DOCK2: variants seen among roughly 807,000 people sequenced by gnomAD.
DOCK2 encodes dedicator of cytokinesis protein 2.
In DOCK2, 87 loss-of-function variants were observed where a neutral mutation model predicts 248.9. That is an observed-to-expected ratio of 0.35 (90% confidence interval 0.29 to 0.42). DOCK2 has a LOEUF of 0.42. DOCK2 is among the 10% of genes least tolerant of loss of function. DOCK2 has a pLI of 1.00. For synonymous variants in DOCK2, 805 were observed against 821.6 expected (o/e 0.98, Z 0.35); for missense variants, 1,747 against 2,300.2 (o/e 0.76, Z 4.92).
chr5:169,868,576 T>C (rs533287760), intron 27 of DOCK2, among the ~76,000 whole-genome samples: 1 of 152,192 alleles, frequency 6.6e-6, no homozygotes, highest in African/African-American at 2.4e-5. Flanking sequence ...CTGGGCAACA[T>C]AGCGAGACAC....
intron 25 of DOCK2, among the ~76,000 whole-genome samples, chr5:169,771,999 C>T (rs1765113483): frequency 6.6e-6 from 1 of 152,128 alleles, no homozygotes; most frequent in African/African-American, 2.4e-5. Flanking sequence ...ATCTGCTGGA[C>T]AGTTTCTCCT....
intron 14 of DOCK2, chr5:169,702,640 A>G (rs1358115105): frequency 2.1e-6 from 1 of 466,150 alleles, no homozygotes; most frequent in South Asian, 3.6e-5. Context: ...CAGTTTTTCA[A>G]TGTCTGTTCC....
At chr5:169,872,719 C>T (rs1772062343) in intron 27 of DOCK2, among the ~76,000 whole-genome samples, 1 of 152,150 alleles carries the variant, frequency 6.6e-6, no homozygotes, top group African/African-American at 2.4e-5. Flanking sequence ...CACACTTATT[C>T]ACTGACGATG....
At chr5:169,716,063 C>G (rs1761894576) in intron 19 of DOCK2, 150 bp from the exon 20 acceptor site, 2 of 645,740 alleles carry the variant, frequency 3.1e-6, no homozygotes, top group Non-Finnish European at 5.2e-6. Context: ...ACTTCTGGCT[C>G]TCGTGAGTAA....
At chr5:169,947,202 C>T (rs1026841633) in intron 27 of DOCK2, among the ~76,000 whole-genome samples, 13 of 152,340 alleles carry the variant, frequency 8.5e-5, no homozygotes, top group East Asian at 1.9e-4. Flanking sequence ...CTCAAGCAGT[C>T]TGATAGGGGA....
intron 26 of DOCK2, among the ~76,000 whole-genome samples, chr5:169,816,986 G>A (rs1021240455): frequency 6.6e-6 from 1 of 152,172 alleles, no homozygotes; most frequent in Non-Finnish European, 1.5e-5. Flanking sequence ...TTGGCTTGCA[G>A]AATTATTTCC....
At chr5:169,686,527 G>A (rs1165934672) in intron 8 of DOCK2, among the ~76,000 whole-genome samples, 3 of 152,188 alleles carry the variant, frequency 2.0e-5, no homozygotes, top group Non-Finnish European at 4.4e-5. Flanking sequence ...TGTGAAAAGA[G>A]GAGAAAGCAA....
At chr5:169,820,494 G>A (rs261594) in intron 26 of DOCK2, among the ~76,000 whole-genome samples, 71,049 of 151,960 alleles carry the variant, frequency 0.47, 17,404 homozygotes, top group African/African-American at 0.62. Flanking sequence ...TCTGCTGCTG[G>A]TACCCAGGCA....
intron 27 of DOCK2, among the ~76,000 whole-genome samples, chr5:169,904,932 C>G (rs928937555): frequency 9.2e-5 from 14 of 152,092 alleles, no homozygotes; most frequent in African/African-American, 3.4e-4. Flanking sequence ...CCGAGAGACC[C>G]GGGTTTGAAT....
At chr5:169,882,429 G>C in intron 27 of DOCK2, 1 of 779,958 alleles carries the variant, frequency 1.3e-6, no homozygotes, top group Non-Finnish European at 2.0e-6. Context: ...ATGATTTGGA[G>C]AAACAACAGT....
intron 44 of DOCK2, among the ~76,000 whole-genome samples, chr5:170,058,803 T>C (rs536045981): frequency 1.2e-4 from 18 of 152,306 alleles, no homozygotes; most frequent in African/African-American, 3.9e-4. Context: ...GACGATAGCA[T>C]TGAGACCGTT....
intron 26 of DOCK2, among the ~76,000 whole-genome samples, chr5:169,829,538 T>C (rs1219286757): frequency 2.0e-5 from 3 of 152,246 alleles, no homozygotes; most frequent in Admixed American, 6.5e-5. Context: ...CATTTGTTCA[T>C]GTAGTTCAAT....
intron 27 of DOCK2, among the ~76,000 whole-genome samples, chr5:169,962,789 G>T (rs547935366): frequency 6.6e-6 from 1 of 152,320 alleles, no homozygotes; most frequent in South Asian, 2.1e-4. Context: ...TTTCTGCTGA[G>T]ATGGCAAGTG....
At chr5:169,994,557 G>A (rs1468961034) in intron 29 of DOCK2, among the ~76,000 whole-genome samples, 2 of 152,146 alleles carry the variant, frequency 1.3e-5, no homozygotes, top group Admixed American at 1.3e-4. Context: ...ACTTAAGGCT[G>A]GTGGGATGGT....
At chr5:169,931,220 A>G (rs1167194394) in intron 27 of DOCK2, among the ~76,000 whole-genome samples, 2 of 152,218 alleles carry the variant, frequency 1.3e-5, no homozygotes, top group Non-Finnish European at 2.9e-5. Context: ...CATCTTACAA[A>G]TACATGTGCA....
chr5:169,930,953 C>T (rs2113681543), intron 27 of DOCK2, among the ~76,000 whole-genome samples: 1 of 152,322 alleles, frequency 6.6e-6, no homozygotes, highest in African/African-American at 2.4e-5. Context: ...TGGGCCAGTC[C>T]CTTTTACAAG....
chr5:169,893,275 C>T (rs1581371450), intron 27 of DOCK2, among the ~76,000 whole-genome samples: 1 of 152,192 alleles, frequency 6.6e-6, no homozygotes, highest in East Asian at 1.9e-4. Flanking sequence ...TGAAAGGTCA[C>T]CTCCAGCTTG....
intron 32 of DOCK2, among the ~76,000 whole-genome samples, chr5:170,014,392 T>G (rs1394278674): frequency 1.3e-5 from 2 of 152,148 alleles, no homozygotes; most frequent in Non-Finnish European, 2.9e-5. Context: ...AAGAATAAAG[T>G]TAATTTTAAC....
At chr5:169,982,575 C>T (rs1255544084) in intron 27 of DOCK2, among the ~76,000 whole-genome samples, 1 of 152,184 alleles carries the variant, frequency 6.6e-6, no homozygotes, top group African/African-American at 2.4e-5. Context: ...TTTCTTTCAT[C>T]CCTCTCAGCT....
Sources: allele counts gnomAD v4.1 joint callset (sites outside exome capture counted in the v4.1 genomes callset), GRCh38; gene constraint gnomAD v4.1.1; transcripts MANE v1.5; gene names NCBI Gene and HGNC (gene_info 2026-07-23, HGNC 2026-07-21).